Variants in GRID1 observed in about 807,000 individuals in gnomAD.
GRID1 encodes the protein glutamate receptor ionotropic, delta-1.
In GRID1, 28 loss-of-function variants were observed where a neutral mutation model predicts 98.0. The observed-to-expected ratio is 0.29, with a 90% CI of 0.21 to 0.39. The LOEUF (loss-of-function observed/expected upper bound fraction) is 0.39. GRID1 is among the 10% of genes least tolerant of loss of function. GRID1 has a pLI of 1.00. For synonymous variants in GRID1, 553 were observed against 538.5 expected (o/e 1.03, Z -0.37); for missense variants, 1,111 against 1,340.5 (o/e 0.83, Z 2.67).
At chr10:86,189,066 G>T (rs1464225214) in intron 3 of GRID1, among the ~76,000 whole-genome samples, 1 of 152,088 alleles carries the variant, frequency 6.6e-6, no homozygotes, top group African/African-American at 2.4e-5. Context: ...ACTTCCCTCT[G>T]GTTTCCTGCA....
chr10:86,345,149 T>A (rs913846706), intron 2 of GRID1, among the ~76,000 whole-genome samples: 1 of 152,222 alleles, frequency 6.6e-6, no homozygotes, highest in Non-Finnish European at 1.5e-5. Flanking sequence ...TGAGCCTTCA[T>A]CTCAGATGTC....
At chr10:85,648,496 C>T (rs988433406) in intron 12 of GRID1, among the ~76,000 whole-genome samples, 1 of 152,242 alleles carries the variant, frequency 6.6e-6, no homozygotes, top group South Asian at 2.1e-4. Context: ...TAACAACCCA[C>T]ATCATCATCC....
rs747944063 is a variant in GRID1 at position 86,206,472 on chromosome 10, C to T, written c.412G>A (p.Ala138Thr). ...GGTGGTCTCGAAGCCAGTGTGTAGG[C>T]CTCACCATCGGGGCTGGGGTTCAGG... is the stretch of plus-strand genomic sequence containing the variant. ...CHLNPSPDGE[A>T]YTLASRPPVR... Residue 138 changes from alanine to threonine, a missense_variant, in exon 3 of 16, where the codon GCC becomes ACC. By Grantham distance (58) the Ala-to-Thr change is moderately conservative. This residue lies in a region of GRID1 where 346 missense variants were observed against 452.3 expected (regional missense o/e 0.76). Transcript: ENST00000327946. This position sits in a 1 kb window ranked among gnomAD's most constrained non-coding sequence, Gnocchi z 4.1. 8.1e-6 allele frequency: 13 copies of T among 1,614,214 alleles called. No individual in the cohort carries two copies. The highest frequency in any genetic ancestry group is 1.1e-5 in the Non-Finnish European group (13 of 1,180,028).
At chr10:85,862,772 G>A (rs73340522) in intron 6 of GRID1, among the ~76,000 whole-genome samples, 19,362 of 152,208 alleles carry the variant, frequency 0.13, 1,387 homozygotes, top group Middle Eastern at 0.19. Flanking sequence ...TTACATCAGT[G>A]ACTATATTTT....
At chr10:85,866,937 G>A (rs1843226993) in intron 6 of GRID1, among the ~76,000 whole-genome samples, 1 of 152,120 alleles carries the variant, frequency 6.6e-6, no homozygotes, top group South Asian at 2.1e-4. Flanking sequence ...GAGGCATAGT[G>A]TCCCAGGGTT....
At chr10:86,006,977 C>G (rs1842869102) in intron 4 of GRID1, among the ~76,000 whole-genome samples, 1 of 152,034 alleles carries the variant, frequency 6.6e-6, no homozygotes, top group African/African-American at 2.4e-5. Context: ...CCCAGCAGCT[C>G]TGGAGCAATC....
At chr10:85,988,922 G>C (rs1324293828) in intron 4 of GRID1, among the ~76,000 whole-genome samples, 1 of 152,212 alleles carries the variant, frequency 6.6e-6, no homozygotes, top group Non-Finnish European at 1.5e-5. Context: ...GAGGAGGCAG[G>C]GCACACCTTT....
chr10:86,290,094 C>T (rs1255689281), intron 2 of GRID1, among the ~76,000 whole-genome samples: 5 of 152,238 alleles, frequency 3.3e-5, no homozygotes, highest in Non-Finnish European at 5.9e-5. Flanking sequence ...TAAGCTAAAA[C>T]GAATTCCCTT....
chr10:85,993,316 G>A (rs10887541), intron 4 of GRID1, among the ~76,000 whole-genome samples: 108,849 of 152,124 alleles, frequency 0.72, 39,427 homozygotes, highest in South Asian at 0.85. Flanking sequence ...GCTGGCAGAT[G>A]TGTAGTGGGG....
chr10:86,157,682 G>C (rs1325162865), intron 3 of GRID1, among the ~76,000 whole-genome samples: 1 of 152,190 alleles, frequency 6.6e-6, no homozygotes, highest in Non-Finnish European at 1.5e-5. Context: ...GGCCACCTCT[G>C]TGGGCCCCAT....
chr10:85,807,343 C>A (rs1842631955), intron 8 of GRID1, among the ~76,000 whole-genome samples: 1 of 149,158 alleles, frequency 6.7e-6, no homozygotes. Context: ...GGGCAAGATT[C>A]CATCTCCTCA....
intron 8 of GRID1, among the ~76,000 whole-genome samples, chr10:85,797,691 T>A (rs1368457016): frequency 1.5e-4 from 22 of 150,978 alleles, no homozygotes. Flanking sequence ...CCTCAGGTGA[T>A]CCACCCGCCT....
In GRID1 at chr10:85,619,976, G is replaced by A; in HGVS notation, c.2251C>T (p.Leu751=). Residue 751 remains leucine, a synonymous_variant, in exon 14 of 16, where the codon CTG becomes TTG. Transcript: ENST00000327946. ...WDVAVVEYAA[L]TDDDCSVTVI... ...GTCACCGAGCAGTCGTCATCCGTCAGGGCTGCGTATTCCACCACGGCCACA... is the reference window on the plus strand; with the variant it reads ...GTCACCGAGCAGTCGTCATCCGTCAAGGCTGCGTATTCCACCACGGCCACA... 1.9e-6 allele frequency: 3 copies of A among 1,614,012 alleles called. No individual in the cohort carries two copies. The highest frequency in any genetic ancestry group is 2.7e-5 in the African/African-American group (2 of 75,062).
chr10:85,650,251 T>G (rs1201012524), intron 12 of GRID1: 4 of 152,218 alleles, frequency 2.6e-5, no homozygotes, highest in African/African-American at 9.7e-5. Context: ...TGAAGTCAGA[T>G]AGGACGCCCA....
intron 13 of GRID1, among the ~76,000 whole-genome samples, chr10:85,624,117 T>C (rs1441455001): frequency 1.3e-5 from 2 of 152,228 alleles, no homozygotes; most frequent in Non-Finnish European, 2.9e-5. Context: ...AGGAGGATAA[T>C]GTCTGAGAAC....
At chr10:85,899,369 C>T (rs554047545) in intron 5 of GRID1, among the ~76,000 whole-genome samples, 1 of 152,296 alleles carries the variant, frequency 6.6e-6, no homozygotes, top group South Asian at 2.1e-4. Context: ...GCGCTGCAAT[C>T]CACATGAGAG....
chr10:85,615,058 A>C (rs1842772813), intron 14 of GRID1, among the ~76,000 whole-genome samples: 1 of 152,176 alleles, frequency 6.6e-6, no homozygotes, highest in Non-Finnish European at 1.5e-5. Flanking sequence ...TTCACTGCCC[A>C]CTGGACAGTT....
At chr10:86,340,754 C>T (rs530944410) in intron 2 of GRID1, among the ~76,000 whole-genome samples, 2 of 152,160 alleles carry the variant, frequency 1.3e-5, no homozygotes, top group Non-Finnish European at 2.9e-5. Context: ...TGCTGAAGTC[C>T]CCATGGCAGC....
At chr10:85,718,347 T>C (rs529070148) in intron 12 of GRID1, among the ~76,000 whole-genome samples, 6 of 152,044 alleles carry the variant, frequency 3.9e-5, no homozygotes, top group Non-Finnish European at 7.4e-5. Flanking sequence ...CCTCAACTCC[T>C]GACTCCTTGA....
Sources: allele counts gnomAD v4.1 joint callset (sites outside exome capture counted in the v4.1 genomes callset), GRCh38; gene constraint gnomAD v4.1.1; regional missense constraint gnomAD v4.1.1; non-coding constraint Gnocchi (gnomAD v3.1); transcripts MANE v1.5; gene names NCBI Gene and HGNC (gene_info 2026-07-23, HGNC 2026-07-21).